NPAS2: variants seen among roughly 807,000 people sequenced by gnomAD.
NPAS2 encodes the protein neuronal PAS domain protein 2.
NPAS2 carries 23 observed loss-of-function variants against 107.5 expected under a neutral mutation model. That is an observed-to-expected ratio of 0.21 (90% CI 0.15 to 0.30). The LOEUF (loss-of-function observed/expected upper bound fraction) is 0.30. Among genes scored for constraint, NPAS2 ranks in the 10% least tolerant of loss-of-function variants. The pLI is 1.00. For missense variants in NPAS2, 756 were observed against 1,043.3 expected, an observed-to-expected ratio of 0.72 and a Z score of 3.79; for synonymous variants, 403 against 417.5, an observed-to-expected ratio of 0.97 and a Z score of 0.42.
Position 100,976,110 on chromosome 2 carries a change from A to G in NPAS2, c.1392+543A>G, listed in dbSNP as rs555124701. Among the ~76,000 whole-genome samples, 2 of 152,100 alleles carry G rather than the reference A, an allele frequency of 1.3e-5. No individual in the cohort carries two copies. Among genetic ancestry groups the G allele is most frequent in the Non-Finnish European group, 2.9e-5 (2 of 68,032 alleles). ...TAACTTAGTGGCCTAAAGCAACCACATGTATGAAGTTCATGGAGTCTGGGT... is the reference window on the plus strand; with the variant it reads ...TAACTTAGTGGCCTAAAGCAACCACGTGTATGAAGTTCATGGAGTCTGGGT... On this transcript the variant is annotated intron_variant, in intron 14 of 20. Transcript: ENST00000335681. The surrounding 1 kb of genome is among the most constrained non-coding windows in gnomAD (Gnocchi z 4.1).
rs781349278 is a variant in NPAS2 at position 100,995,497 on chromosome 2, C to A, written c.2390C>A (p.Pro797His). The change falls in exon 21 of 21, where the codon CCC becomes CAC. Residue 797 changes from proline to histidine, a missense_variant. Pro to His is a moderately conservative substitution (Grantham distance 77). Coordinates refer to ENST00000335681, the MANE Select transcript of NPAS2 (RefSeq NM_002518.4). The stretch of plus-strand genomic sequence containing the variant: ...GGGACCCTGGGCTACCCCCAACCAC[C>A]CCCAGCACAGCCCCAGCCCCTACGT... ...QPGTLGYPQP[P>H]PAQPQPLRPP... 6.2e-7 allele frequency: 1 copy of A among 1,614,044 alleles called. No homozygotes were observed. Among genetic ancestry groups the A allele is most frequent in the Non-Finnish European group, 8.5e-7 (1 of 1,180,020 alleles).
chr2:100,835,037 A>G (rs1676971604), intron 1 of NPAS2, among the ~76,000 whole-genome samples: 1 of 152,028 alleles, frequency 6.6e-6, no homozygotes, highest in Non-Finnish European at 1.5e-5. Flanking sequence ...TTCCATAACA[A>G]TTTAGGCAAG....
chr2:100,847,408 C>T (rs965101701), intron 1 of NPAS2, among the ~76,000 whole-genome samples: 4 of 151,698 alleles, frequency 2.6e-5, no homozygotes, highest in Non-Finnish European at 4.4e-5. Context: ...CTCGCTCTTT[C>T]GCCCAGGCTG....
Position 100,820,960 on chromosome 2 carries a change from A to G in NPAS2, c.-23+546A>G. On this transcript the variant is annotated intron_variant, in intron 1 of 20. Coordinates refer to ENST00000335681, the MANE Select transcript of NPAS2 (RefSeq NM_002518.4). The surrounding 1 kb of genome is among the most constrained non-coding windows in gnomAD (Gnocchi z 5.6). ...GCCCCCAACCCCCGTGTGCGCAGAC[A>G]GCGTGCAGCCTGGCTCCTCACGTCG... 5 of 998,196 alleles carry G rather than the reference A, an allele frequency of 5.0e-6. No individual in the cohort carries two copies. Among genetic ancestry groups the G allele is most frequent in the Non-Finnish European group, 6.8e-6 (5 of 738,908 alleles). 61.8% of individuals were successfully genotyped at this position (998,196 alleles called of 1,614,324 possible). A position where few individuals can be genotyped will look rare whatever the true frequency, so the allele number is the denominator to read the frequency against.
At chr2:100,909,969 C>T (rs139425751) in intron 2 of NPAS2, among the ~76,000 whole-genome samples, 9 of 152,200 alleles carry the variant, frequency 5.9e-5, no homozygotes, top group Non-Finnish European at 1.0e-4. Flanking sequence ...TTGGCTTTTA[C>T]CCTGCTAGCG....
intron 15 of NPAS2, among the ~76,000 whole-genome samples, chr2:100,978,742 C>G (rs1026915329): frequency 6.6e-6 from 1 of 152,154 alleles, no homozygotes; most frequent in East Asian, 1.9e-4. Context: ...GCAGGGCATG[C>G]GTTTTTATAG....
At position 100,932,968 on chromosome 2, in the gene NPAS2, C is replaced by T. The variant is rs755593475; in HGVS notation, c.240C>T (p.Leu80=). The part of the protein sequence containing the change: ...DIQQDWKPSF[L]SNEEFTQLML... The stretch of plus-strand genomic sequence containing the variant: ...AGCAAGACTGGAAGCCTTCATTCCT[C>T]AGTAATGAAGAATTCACCCAGCTGA... Residue 80 remains leucine (L), a synonymous_variant, in exon 4 of 21, where the codon CTC becomes CTT. Transcript: ENST00000335681. 5 of 1,613,650 alleles carry T rather than the reference C, an allele frequency of 3.1e-6. No individual in the cohort carries two copies. The highest frequency in any genetic ancestry group is 1.1e-5 in the South Asian group (1 of 91,064).
At chr2:100,944,136 C>A (rs1362515913) in intron 5 of NPAS2, among the ~76,000 whole-genome samples, 1 of 152,120 alleles carries the variant, frequency 6.6e-6, no homozygotes, top group Non-Finnish European at 1.5e-5. Flanking sequence ...ATCAAATATG[C>A]CTCCAACTTC....
chr2:100,957,795 G>A (rs1341696313), intron 7 of NPAS2, among the ~76,000 whole-genome samples: 1 of 152,218 alleles, frequency 6.6e-6, no homozygotes, highest in Non-Finnish European at 1.5e-5. Context: ...GGGCGCGATG[G>A]CAGGTGCCTG....
chr2:100,982,691 G>A (rs1677527439), intron 16 of NPAS2: 4 of 369,062 alleles, frequency 1.1e-5, no homozygotes, highest in Non-Finnish European at 1.5e-5. Context: ...TGCCTGCCTC[G>A]GTCCTGGGTA....
chr2:100,915,830 C>A (rs1446383883), intron 2 of NPAS2, among the ~76,000 whole-genome samples: 3 of 151,762 alleles, frequency 2.0e-5, no homozygotes, highest in Non-Finnish European at 4.4e-5. Context: ...TAGATAGAAA[C>A]TTGGAATAGG....
intron 7 of NPAS2, among the ~76,000 whole-genome samples, chr2:100,959,319 C>T (rs979326999): frequency 4.6e-5 from 7 of 151,998 alleles, no homozygotes; most frequent in African/African-American, 1.5e-4. Context: ...GTGGCTCCTG[C>T]CTTTTCTCCA....
chr2:100,913,003 G>A (rs552112650), intron 2 of NPAS2, among the ~76,000 whole-genome samples: 28 of 152,146 alleles, frequency 1.8e-4, no homozygotes, highest in Non-Finnish European at 3.8e-4. Flanking sequence ...GGTGCCGAAC[G>A]AGGATGAGAA....
At chr2:100,960,916 C>T (rs12613953) in intron 7 of NPAS2, among the ~76,000 whole-genome samples, 15,165 of 152,148 alleles carry the variant, frequency 0.1, 1,449 homozygotes, top group East Asian at 0.42. Context: ...AGAGAATGAG[C>T]CCCAGTTCCT....
intron 17 of NPAS2, 156 bp downstream of exon 17, chr2:100,988,432 C>T: frequency 3.1e-6 from 2 of 639,856 alleles, no homozygotes; most frequent in Non-Finnish European, 2.7e-6. Context: ...GCCTTCTTTT[C>T]CTTCTTCTGT....
intron 1 of NPAS2, among the ~76,000 whole-genome samples, chr2:100,902,926 A>G (rs1273801370): frequency 2.0e-5 from 3 of 152,244 alleles, no homozygotes; most frequent in African/African-American, 7.2e-5. Flanking sequence ...ATGCTGAAGA[A>G]GAGGAAATGG....
chr2:100,830,876 G>A (rs978650615), intron 1 of NPAS2, among the ~76,000 whole-genome samples: 5 of 152,198 alleles, frequency 3.3e-5, no homozygotes, highest in African/African-American at 9.7e-5. Flanking sequence ...GCTGATCACT[G>A]CCTGTTGACA....
chr2:100,877,222 T>C (rs1379724901), intron 1 of NPAS2, among the ~76,000 whole-genome samples: 2 of 152,072 alleles, frequency 1.3e-5, no homozygotes, highest in Non-Finnish European at 2.9e-5. Context: ...TCCCAGCACT[T>C]GGGAGGCTGA....
intron 1 of NPAS2, among the ~76,000 whole-genome samples, chr2:100,825,584 C>A (rs1676323946): frequency 6.6e-6 from 1 of 152,194 alleles, no homozygotes; most frequent in South Asian, 2.1e-4. Context: ...CAGTAGACTG[C>A]CAACCCACAC....
Sources: gnomAD v4.1 joint callset for allele counts (sites outside exome capture counted in the v4.1 genomes callset) on GRCh38, gnomAD v4.1.1 for gene constraint, Gnocchi (gnomAD v3.1) non-coding constraint, MANE v1.5 for transcripts, NCBI Gene and HGNC (gene_info 2026-07-23, HGNC 2026-07-21) for gene names.